FNDC3B: variants seen among roughly 807,000 people sequenced by gnomAD.
FNDC3B encodes the protein fibronectin type III domain-containing protein 3B.
Under a neutral mutation model 151.5 loss-of-function variants are expected in FNDC3B, and 12 were observed. The observed-to-expected ratio is 0.08, with a 90% CI of 0.05 to 0.13. The LOEUF is 0.13. Among genes scored for constraint, FNDC3B ranks in the 10% least tolerant of loss-of-function variants. FNDC3B has a pLI of 1.00. For synonymous variants in FNDC3B, 528 were observed against 549.0 expected (o/e 0.96, Z 0.54); for missense variants, 1,214 against 1,505.3 (o/e 0.81, Z 3.20).
intron 6 of FNDC3B, among the ~76,000 whole-genome samples, chr3:172,279,899 C>T (rs908895462): frequency 2.0e-5 from 3 of 151,356 alleles, no homozygotes; most frequent in Non-Finnish European, 4.4e-5. Context: ...AACACATATT[C>T]GTTGTTGTTG....
chr3:172,307,396 C>G lies in FNDC3B; in HGVS notation c.1095C>G (p.Ser365=), dbSNP rs1361317644. The G allele has an allele frequency of 1.2e-6, 2 of 1,613,994 alleles. No homozygotes were observed. The highest frequency in any genetic ancestry group is 4.5e-5 in the East Asian group (2 of 44,900). The change falls in exon 10 of 26, where the codon TCC becomes TCG. Residue 365 remains serine, a synonymous_variant. Transcript: ENST00000415807. The stretch of plus-strand genomic sequence containing the variant: ...CCATGTACAATTCCGTAAAGGGATC[C>G]TGCTCCGAGCCTGTTAGCTTCACCA... ...VYAMYNSVKG[S]CSEPVSFTTH...
intron 1 of FNDC3B, among the ~76,000 whole-genome samples, chr3:172,085,057 G>T (rs551755386): frequency 2.0e-5 from 3 of 152,158 alleles, no homozygotes; most frequent in Admixed American, 6.5e-5. Flanking sequence ...TGGTAAATAC[G>T]TGGTGCTACA....
At chr3:172,115,417 G>T (rs907745871) in intron 2 of FNDC3B, among the ~76,000 whole-genome samples, 1 of 152,198 alleles carries the variant, frequency 6.6e-6, no homozygotes, top group African/African-American at 2.4e-5. Context: ...GGATCCCAGA[G>T]TGTGGGGCTG....
At chr3:172,140,935 G>C (rs1240461753) in intron 3 of FNDC3B, among the ~76,000 whole-genome samples, 1 of 152,174 alleles carries the variant, frequency 6.6e-6, no homozygotes, top group Non-Finnish European at 1.5e-5. Flanking sequence ...TCAGACTTAA[G>C]ATGAATTGGT....
At chr3:172,265,136 C>A (rs542565980) in intron 6 of FNDC3B, among the ~76,000 whole-genome samples, 1 of 152,270 alleles carries the variant, frequency 6.6e-6, no homozygotes, top group South Asian at 2.1e-4. Flanking sequence ...ATTACTATTT[C>A]TGTAGGTGGG....
intron 11 of FNDC3B, among the ~76,000 whole-genome samples, chr3:172,326,267 G>T (rs1732336318): frequency 6.6e-6 from 1 of 152,042 alleles, no homozygotes; most frequent in Admixed American, 6.6e-5. Flanking sequence ...TCATCAATAA[G>T]CCTTAATTCT....
At chr3:172,168,275 C>T (rs1723106184) in intron 3 of FNDC3B, among the ~76,000 whole-genome samples, 2 of 152,218 alleles carry the variant, frequency 1.3e-5, no homozygotes, top group African/African-American at 4.8e-5. Flanking sequence ...TGGTCACATA[C>T]AGCAGTCTGC....
At chr3:172,165,407 A>C (rs182368363) in intron 3 of FNDC3B, among the ~76,000 whole-genome samples, 42 of 152,362 alleles carry the variant, frequency 2.8e-4, no homozygotes, top group Admixed American at 2.6e-3. Flanking sequence ...GAGTAGTTTC[A>C]AGGAAAAGTG....
intron 3 of FNDC3B, among the ~76,000 whole-genome samples, chr3:172,135,896 CA>C (rs1481178855): frequency 1.3e-5 from 2 of 152,186 alleles, no homozygotes; most frequent in African/African-American, 4.8e-5. Flanking sequence ...TGGCAATAGG[CA>C]GTGTATTTGT....
At chr3:172,289,542 T>G (rs536748213) in intron 7 of FNDC3B, among the ~76,000 whole-genome samples, 23 of 152,356 alleles carry the variant, frequency 1.5e-4, no homozygotes, top group African/African-American at 5.3e-4. Context: ...CCCAATTAGT[T>G]GTTTATGCAG....
At chr3:172,329,292 C>A (rs762333010) in intron 12 of FNDC3B, 7 of 470,216 alleles carry the variant, frequency 1.5e-5, no homozygotes, top group Non-Finnish European at 2.6e-5. Context: ...ATTGCGAAGG[C>A]CCCACTAGGG....
intron 11 of FNDC3B, 118 bp downstream of exon 11, chr3:172,310,999 T>A (rs1731448006): frequency 5.4e-6 from 4 of 743,744 alleles, no homozygotes; most frequent in South Asian, 4.6e-5. Flanking sequence ...GGAATGCTAG[T>A]AGAGAAATTT....
intron 1 of FNDC3B, among the ~76,000 whole-genome samples, chr3:172,058,802 G>A (rs988526820): frequency 6.6e-6 from 1 of 152,058 alleles, no homozygotes; most frequent in Non-Finnish European, 1.5e-5. Context: ...TGTCATATTA[G>A]CACCATAACT....
At chr3:172,089,363 AG>A (rs1326004374) in intron 1 of FNDC3B, among the ~76,000 whole-genome samples, 3 of 152,196 alleles carry the variant, frequency 2.0e-5, no homozygotes, top group Non-Finnish European at 4.4e-5. Context: ...AGAAAAAAAC[AG>A]TAAGAATTCA....
intron 1 of FNDC3B, among the ~76,000 whole-genome samples, chr3:172,067,039 C>T (rs1172254831): frequency 1.3e-5 from 2 of 152,116 alleles, no homozygotes; most frequent in Admixed American, 6.6e-5. Context: ...AGCTCTTCCT[C>T]CTTGCTTTAT....
chr3:172,239,515 C>G (rs1217716010), intron 4 of FNDC3B, among the ~76,000 whole-genome samples: 1 of 152,126 alleles, frequency 6.6e-6, no homozygotes, highest in East Asian at 1.9e-4. Context: ...TGGCTGCCAG[C>G]ACATCACACT....
At chr3:172,191,355 A>C (rs991969612) in intron 3 of FNDC3B, among the ~76,000 whole-genome samples, 7 of 152,224 alleles carry the variant, frequency 4.6e-5, no homozygotes, top group African/African-American at 1.7e-4. Context: ...TACTCTTTAA[A>C]GTACCATCAG....
At chr3:172,075,701 A>G (rs1316736334) in intron 1 of FNDC3B, among the ~76,000 whole-genome samples, 2 of 151,038 alleles carry the variant, frequency 1.3e-5, no homozygotes, top group Non-Finnish European at 2.9e-5. Context: ...ATTGAGAAAC[A>G]TATTTTACAT....
At chr3:172,042,904 G>A (rs1215424589) in intron 1 of FNDC3B, among the ~76,000 whole-genome samples, 1 of 149,516 alleles carries the variant, frequency 6.7e-6, no homozygotes, top group Admixed American at 6.7e-5. Flanking sequence ...GCGCAATCTC[G>A]GCTCACTGCA....
Sources: allele counts gnomAD v4.1 joint callset (sites outside exome capture counted in the v4.1 genomes callset), GRCh38; gene constraint gnomAD v4.1.1; transcripts MANE v1.5; gene names NCBI Gene and HGNC (gene_info 2026-07-23, HGNC 2026-07-21).